Variants in CNTN5 observed in about 807,000 individuals in gnomAD.
CNTN5 encodes the protein contactin 5, also known as contactin-5.
CNTN5 carries 77 observed loss-of-function variants against 129.1 expected under a neutral mutation model. That is an observed-to-expected ratio of 0.60 (90% CI 0.50 to 0.72). The LOEUF (loss-of-function observed/expected upper bound fraction) is 0.72. Among genes scored for constraint, CNTN5 ranks in the 30% least tolerant of loss-of-function variants. The pLI, the probability that CNTN5 is intolerant of heterozygous loss-of-function variation, is 0.00. For missense variants in CNTN5, 1,478 were observed against 1,328.8 expected (o/e 1.11, Z -1.75); for synonymous variants, 509 against 465.6 (o/e 1.09, Z -1.20).
At chr11:99,454,580 G>A (rs2406929) in intron 2 of CNTN5, among the ~76,000 whole-genome samples, 39,949 of 151,872 alleles carry the variant, frequency 0.26, 5,809 homozygotes, top group East Asian at 0.42. Context: ...CTTTACCTCC[G>A]ACCTATAGCC....
intron 3 of CNTN5, among the ~76,000 whole-genome samples, chr11:99,759,335 T>C (rs967285414): frequency 6.6e-6 from 1 of 152,068 alleles, no homozygotes; most frequent in Admixed American, 6.6e-5. Context: ...TCACAGTACT[T>C]ATTTTCAGCC....
chr11:99,635,885 G>A (rs1951532353), intron 3 of CNTN5, among the ~76,000 whole-genome samples: 2 of 152,054 alleles, frequency 1.3e-5, no homozygotes, highest in Admixed American at 1.3e-4. Context: ...AATTTCCCAA[G>A]TGGTGCACTA....
At chr11:99,928,054 C>A (rs913808569) in intron 7 of CNTN5, among the ~76,000 whole-genome samples, 4 of 152,148 alleles carry the variant, frequency 2.6e-5, no homozygotes, top group Non-Finnish European at 4.4e-5. Context: ...AGGCCCCATG[C>A]AAGTCCTAAA....
At chr11:99,693,455 G>A (rs1023708792) in intron 3 of CNTN5, among the ~76,000 whole-genome samples, 34 of 151,834 alleles carry the variant, frequency 2.2e-4, no homozygotes, top group African/African-American at 7.7e-4. Context: ...AAAGGAGGAG[G>A]TATTTGAATT....
At chr11:99,828,932 A>G (rs551977416) in intron 4 of CNTN5, among the ~76,000 whole-genome samples, 15 of 152,258 alleles carry the variant, frequency 9.9e-5, no homozygotes, top group African/African-American at 3.4e-4. Flanking sequence ...GCTATATTCT[A>G]TTTCCAGCGA....
At chr11:99,863,325 G>A (rs1948265685) in intron 6 of CNTN5, among the ~76,000 whole-genome samples, 1 of 152,108 alleles carries the variant, frequency 6.6e-6, no homozygotes, top group Non-Finnish European at 1.5e-5. Flanking sequence ...ATAGTCGTAG[G>A]ACACAATGGA....
rs557239844 is a variant in CNTN5 at position 99,820,273 on chromosome 11, T to G, written c.277+508T>G. On this transcript the variant is annotated intron_variant, in intron 4 of 24. Coordinates refer to ENST00000524871, the MANE Select transcript of CNTN5 (RefSeq NM_014361.4). ...GTAGAATGAAAGTAAAAATAGACAT[T>G]TTTGGAAGGCCAATTTGACAGTGAA... Among the ~76,000 whole-genome samples, 3 of 152,422 alleles carry G rather than the reference T, an allele frequency of 2.0e-5. No homozygotes were observed. In the East Asian group the frequency reaches 5.8e-4, roughly 29 times the overall value.
At chr11:99,267,832 C>T (rs1394228699) in intron 1 of CNTN5, among the ~76,000 whole-genome samples, 2 of 151,614 alleles carry the variant, frequency 1.3e-5, no homozygotes, top group African/African-American at 4.8e-5. Flanking sequence ...TATTTCTCTT[C>T]TATCACTTAT....
intron 2 of CNTN5, among the ~76,000 whole-genome samples, chr11:99,464,057 G>T (rs886507804): frequency 1.3e-5 from 2 of 152,066 alleles, no homozygotes; most frequent in African/African-American, 4.8e-5. Context: ...CTTTAACTGG[G>T]TTTGTAATTT....
intron 6 of CNTN5, among the ~76,000 whole-genome samples, chr11:99,904,096 G>C (rs976769074): frequency 6.6e-6 from 1 of 152,068 alleles, no homozygotes; most frequent in East Asian, 1.9e-4. Flanking sequence ...ATTGTATATA[G>C]TTCTATCATC....
At chr11:100,059,018 A>C (rs947656719) in intron 9 of CNTN5, among the ~76,000 whole-genome samples, 1 of 152,202 alleles carries the variant, frequency 6.6e-6, no homozygotes, top group Non-Finnish European at 1.5e-5. Flanking sequence ...TCAAACTGAA[A>C]AAGTCGACTG....
intron 20 of CNTN5, among the ~76,000 whole-genome samples, chr11:100,301,141 T>C (rs1343562601): frequency 1.3e-5 from 2 of 151,670 alleles, no homozygotes; most frequent in Non-Finnish European, 3.0e-5. Context: ...TATTTTGAAG[T>C]ATATGTGTTA....
At chr11:99,351,116 A>G (rs1938268393) in intron 2 of CNTN5, among the ~76,000 whole-genome samples, 1 of 152,116 alleles carries the variant, frequency 6.6e-6, no homozygotes, top group Non-Finnish European at 1.5e-5. Flanking sequence ...ATGTATACCT[A>G]GGTAACAAAA....
Position 100,007,699 on chromosome 11 carries a change from A to C in CNTN5, c.980+5563A>C, listed in dbSNP as rs567677490. Among the ~76,000 whole-genome samples the C allele has an allele frequency of 1.6e-3, 251 of 152,184 alleles. 1 individual carries two copies. The highest frequency in any genetic ancestry group is 5.8e-3 in the African/African-American group (240 of 41,534). ...CTGGTTTGATCTACCCAGACCATTA[A>C]AACTTTCTTTCTATCAGCAATAAGC... On this transcript the variant is annotated intron_variant, in intron 9 of 24. Coordinates refer to ENST00000524871, the MANE Select transcript of CNTN5 (RefSeq NM_014361.4).
chr11:100,034,829 C>A (rs996022992), intron 9 of CNTN5, among the ~76,000 whole-genome samples: 1 of 152,158 alleles, frequency 6.6e-6, no homozygotes. Flanking sequence ...TAAAACACTT[C>A]AACGTTTTCA....
chr11:99,523,653 ACAG>A, intron 2 of CNTN5, among the ~76,000 whole-genome samples: 1 of 88,918 alleles, frequency 1.1e-5, no homozygotes, highest in Non-Finnish European at 2.2e-5. Context: ...ATAGAATAGA[ACAG>A]AACAGATCAG....
chr11:99,300,482 T>C (rs1028858757), intron 1 of CNTN5, among the ~76,000 whole-genome samples: 100 of 152,222 alleles, frequency 6.6e-4, no homozygotes, highest in African/African-American at 2.4e-3. Context: ...GATCATGGTG[T>C]ATTATTTGTT....
chr11:99,104,641 C>CGCTT (rs1866911218), intron 1 of CNTN5, among the ~76,000 whole-genome samples: 1 of 151,152 alleles, frequency 6.6e-6, no homozygotes, highest in Admixed American at 6.6e-5. Context: ...CACACACACA[C>CGCTT]GTGTATATAT....
intron 2 of CNTN5, among the ~76,000 whole-genome samples, chr11:99,543,839 T>A (rs1948192920): frequency 7.0e-6 from 1 of 142,902 alleles, no homozygotes; most frequent in African/African-American, 2.6e-5. Flanking sequence ...GAGAATTGCT[T>A]GAACTCAGGA....
Sources: gnomAD v4.1 joint callset for allele counts (sites outside exome capture counted in the v4.1 genomes callset) on GRCh38, gnomAD v4.1.1 for gene constraint, MANE v1.5 for transcripts, NCBI Gene and HGNC (gene_info 2026-07-23, HGNC 2026-07-21) for gene names.